The following LRRC74A variants were observed in gnomAD, a reference collection of about 807,000 sequenced individuals.
LRRC74A encodes the protein leucine-rich repeat-containing protein 74A.
In LRRC74A, 44 loss-of-function variants were observed where a neutral mutation model predicts 57.9. That is an observed-to-expected ratio of 0.76 (90% confidence interval 0.60 to 0.98). The LOEUF (loss-of-function observed/expected upper bound fraction) is 0.98, where lower values mean the gene tolerates loss of function less well. Among genes scored for constraint, LRRC74A ranks in the 50% least tolerant of loss-of-function variants. The probability of loss-of-function intolerance (pLI) is 0.00; values close to 1 mark genes in which losing one functional copy is unlikely to be tolerated. For missense variants in LRRC74A, 572 were observed against 574.0 expected, an observed-to-expected ratio of 1.00 and a Z score of 0.04; for synonymous variants, 211 against 219.4, an observed-to-expected ratio of 0.96 and a Z score of 0.34.
intron 10 of LRRC74A, among the ~76,000 whole-genome samples, chr14:76,858,399 T>A (rs1898053801): frequency 6.6e-6 from 1 of 152,206 alleles, no homozygotes; most frequent in Non-Finnish European, 1.5e-5. Flanking sequence ...TGTATCCAAA[T>A]GTCCCCTTGA....
intron 9 of LRRC74A, among the ~76,000 whole-genome samples, chr14:76,854,752 T>A (rs1566736849): frequency 1.3e-5 from 2 of 152,312 alleles, no homozygotes; most frequent in Non-Finnish European, 2.9e-5. Flanking sequence ...CATTTTAAAT[T>A]AATTTACTAG....
At chr14:76,828,642 C>G (rs1212455507) in intron 2 of LRRC74A, 1 of 683,164 alleles carries the variant, frequency 1.5e-6, no homozygotes, top group African/African-American at 1.8e-5. Flanking sequence ...GCCTCAGGAG[C>G]AGTGCCCTCA....
chr14:76,860,468 A>G (rs773105196), intron 10 of LRRC74A, among the ~76,000 whole-genome samples: 1 of 152,244 alleles, frequency 6.6e-6, no homozygotes, highest in Non-Finnish European at 1.5e-5. Context: ...ACAAGCCACC[A>G]GCACTCAACA....
chr14:76,854,128 C>T (rs903257429), intron 9 of LRRC74A, among the ~76,000 whole-genome samples: 2 of 152,194 alleles, frequency 1.3e-5, no homozygotes, highest in African/African-American at 4.8e-5. Flanking sequence ...CTCCTTTCCT[C>T]CTACTACAGA....
chr14:76,841,646 G>A (rs913446940), intron 5 of LRRC74A, among the ~76,000 whole-genome samples: 1 of 151,348 alleles, frequency 6.6e-6, no homozygotes, highest in Non-Finnish European at 1.5e-5. Context: ...ACAATATTGA[G>A]TCTCCTCATT....
rs764958271 is a variant in LRRC74A at position 76,860,786 on chromosome 14, C to G, written c.1147C>G (p.Leu383Val). ...LDVVFKAVQG[L>V]SPKKTIFLLT... Reference sequence around the variant, plus strand: ...CGTGGTATTCAAGGCAGTACAAGGCCTCTCTCCCAAGAAAACCATCTTCTT... The same window carrying G: ...CGTGGTATTCAAGGCAGTACAAGGCGTCTCTCCCAAGAAAACCATCTTCTT... The change falls in exon 11 of 14, where the codon CTC becomes GTC. Residue 383 changes from leucine (L) to valine (V), a missense_variant. Coordinates refer to ENST00000689127, the MANE Select transcript of LRRC74A (RefSeq NM_001385106.1). 1 of 1,610,860 alleles carries G rather than the reference C, an allele frequency of 6.2e-7. No homozygotes were observed. The highest frequency in any genetic ancestry group is 8.5e-7 in the Non-Finnish European group (1 of 1,177,842).
intron 4 of LRRC74A, among the ~76,000 whole-genome samples, chr14:76,837,336 A>G (rs570274062): frequency 1.3e-5 from 2 of 152,298 alleles, no homozygotes; most frequent in East Asian, 1.9e-4. Flanking sequence ...ATAATATGTT[A>G]TGCTTATTTT....
At chr14:76,863,122 T>C (rs1030589199) in intron 11 of LRRC74A, among the ~76,000 whole-genome samples, 1 of 152,022 alleles carries the variant, frequency 6.6e-6, no homozygotes, top group Admixed American at 6.6e-5. Flanking sequence ...GCTATCATTA[T>C]GGAAACATCT....
At chr14:76,857,206 G>A (rs1395765110) in intron 9 of LRRC74A, among the ~76,000 whole-genome samples, 174 bp from the exon 10 acceptor site, 2 of 151,990 alleles carry the variant, frequency 1.3e-5, no homozygotes, top group Non-Finnish European at 2.9e-5. Context: ...GGATGGATGA[G>A]CAGTGAGATA....
intron 2 of LRRC74A, 121 bp downstream of exon 2, chr14:76,828,540 G>A (rs779977598): frequency 1.4e-6 from 2 of 1,477,834 alleles, no homozygotes; most frequent in Non-Finnish European, 1.9e-6. Flanking sequence ...GCCTGTGGAG[G>A]AAATGTGGCA....
At chr14:76,859,193 G>A (rs1054554653) in intron 10 of LRRC74A, among the ~76,000 whole-genome samples, 1 of 152,064 alleles carries the variant, frequency 6.6e-6, no homozygotes, top group East Asian at 1.9e-4. Flanking sequence ...GGCAGTACAC[G>A]TTGGAAGGCA....
chr14:76,834,700 A>G (rs1896197837), intron 3 of LRRC74A, among the ~76,000 whole-genome samples: 1 of 152,106 alleles, frequency 6.6e-6, no homozygotes, highest in Non-Finnish European at 1.5e-5. Context: ...ATAAATGTGG[A>G]TGGATTTGGG....
At chr14:76,836,492 G>T (rs1896349617) in intron 4 of LRRC74A, among the ~76,000 whole-genome samples, 178 bp downstream of exon 4, 1 of 152,162 alleles carries the variant, frequency 6.6e-6, no homozygotes, top group African/African-American at 2.4e-5. Flanking sequence ...TCCTATGGCT[G>T]TAGGAAAACC....
At position 76,828,217 on chromosome 14, in the gene LRRC74A, C is replaced by T. The variant is rs559616252; in HGVS notation, c.38-74C>T. On this transcript the variant is annotated intron_variant, in intron 1 of 13. Transcript: ENST00000689127. ...GAGGAAGGGAGCAGAGATGGAGGGG[C>T]GGCAGCGGCAGGCTTTATTGGGAGG... 2.5e-4 allele frequency: 373 copies of T among 1,515,342 alleles called. 2 individuals carry two copies. In the South Asian group the frequency reaches 3.2e-3, roughly 13 times the overall value. 93.9% of individuals were successfully genotyped at this position (1,515,342 alleles called of 1,614,324 possible).
chr14:76,826,554 T>C lies in LRRC74A; in HGVS notation c.-144T>C, dbSNP rs755948145. On this transcript the variant is annotated 5_prime_UTR_variant, in exon 1 of 14. An upstream open reading frame in the 5' UTR loses its in-frame stop. Transcript: ENST00000689127. The stretch of plus-strand genomic sequence containing the variant: ...CCCAGGGCTTGCTGGGAGGGAAGGA[T>C]AACTGCAGGCTCCCCTGGGATGCCC... 1 of 1,612,274 alleles carries C rather than the reference T, an allele frequency of 6.2e-7. No individual in the cohort carries two copies. The highest frequency in any genetic ancestry group is 8.5e-7 in the Non-Finnish European group (1 of 1,179,224).
chr14:76,829,116 A>G (rs1595336908), intron 2 of LRRC74A: 1 of 1,289,426 alleles, frequency 7.8e-7, no homozygotes, highest in East Asian at 5.5e-5. Flanking sequence ...AAGCACCGAA[A>G]GAGAACACTT....
Position 76,857,402 on chromosome 14 carries a change from T to C in LRRC74A, c.980T>C (p.Met327Thr). ...TAGCTTTTCCTGAATCCCATAAATA[T>C]GGATGGGGCTATTTTACTTATCCTG... The part of the protein sequence containing the change: ...VLKLFLNPIN[M>T]DGAILLILAI... The change falls in exon 10 of 14, where the codon ATG (methionine) becomes ACG (threonine). Residue 327 changes from methionine to threonine, a missense_variant. By Grantham distance (81) the Met-to-Thr change is moderately conservative. Coordinates refer to ENST00000689127, the MANE Select transcript of LRRC74A (RefSeq NM_001385106.1). 1 of 1,582,090 alleles carries C rather than the reference T, an allele frequency of 6.3e-7. No homozygotes were observed. The highest frequency in any genetic ancestry group is 8.6e-7 in the Non-Finnish European group (1 of 1,162,320).
intron 6 of LRRC74A, 114 bp downstream of exon 6, chr14:76,844,586 G>T: frequency 1.7e-6 from 2 of 1,145,172 alleles, no homozygotes; most frequent in Non-Finnish European, 2.5e-6. Flanking sequence ...GTTAGGGACT[G>T]GGGAGTGTTT....
intron 1 of LRRC74A, 109 bp downstream of exon 1, chr14:76,826,843 TC>T (rs992968927): frequency 1.0e-5 from 7 of 674,344 alleles, no homozygotes; most frequent in Non-Finnish European, 1.4e-5. Context: ...CCTGGGACCC[TC>T]TAGAAGTAGG....
Sources: allele counts gnomAD v4.1 joint callset (sites outside exome capture counted in the v4.1 genomes callset), GRCh38; gene constraint gnomAD v4.1.1; transcripts MANE v1.5; gene names NCBI Gene and HGNC (gene_info 2026-07-23, HGNC 2026-07-21).